Variants in FGD4 observed in about 807,000 individuals in gnomAD.
FGD4 encodes the protein FYVE, RhoGEF and PH domain-containing protein 4.
Under a neutral mutation model 102.0 loss-of-function variants are expected in FGD4, and 42 were observed. The ratio of observed to expected loss-of-function variants is 0.41; its 90% CI spans 0.32 to 0.53. The LOEUF (loss-of-function observed/expected upper bound fraction) is 0.53. Ranked by LOEUF, FGD4 falls within the 20% of genes least tolerant of loss-of-function variation. The pLI is 0.21. For missense variants in FGD4, 902 were observed against 1,078.2 expected (o/e 0.84, Z 2.29); for synonymous variants, 380 against 375.7 (o/e 1.01, Z -0.13).
At chr12:32,541,629 G>T (rs1942839498) in intron 1 of FGD4, among the ~76,000 whole-genome samples, 1 of 152,170 alleles carries the variant, frequency 6.6e-6, no homozygotes, top group South Asian at 2.1e-4. Flanking sequence ...CTCCCAAAGT[G>T]CTGGGAATAC....
chr12:32,564,110 C>T, intron 1 of FGD4, 27 bp from the exon 2 acceptor site: 1 of 1,530,928 alleles, frequency 6.5e-7, no homozygotes, highest in South Asian at 1.2e-5. Flanking sequence ...CCATACTTAC[C>T]TGCCCTTTCT....
chr12:32,489,062 G>GT (rs988699605), intron 1 of FGD4, among the ~76,000 whole-genome samples: 5 of 152,130 alleles, frequency 3.3e-5, no homozygotes, highest in South Asian at 2.1e-4. Context: ...AGTAGTACTG[G>GT]TTTTTTTTAC....
chr12:32,431,749 C>T (rs977294724), intron 1 of FGD4, among the ~76,000 whole-genome samples: 5 of 149,878 alleles, frequency 3.3e-5, no homozygotes, highest in South Asian at 2.1e-4. Flanking sequence ...CTCCAGCCTG[C>T]GTGACAGAGC....
intron 14 of FGD4, among the ~76,000 whole-genome samples, chr12:32,628,483 G>C (rs556345852): frequency 1.3e-5 from 2 of 152,166 alleles, no homozygotes; most frequent in East Asian, 3.9e-4. Flanking sequence ...GAAAGTGGGA[G>C]ATGGCGACTG....
intron 11 of FGD4, among the ~76,000 whole-genome samples, chr12:32,623,682 C>A (rs1949984743): frequency 6.6e-6 from 1 of 152,118 alleles, no homozygotes; most frequent in African/African-American, 2.4e-5. Context: ...TCAGAGTCCA[C>A]TAAAGAGGAT....
intron 1 of FGD4, among the ~76,000 whole-genome samples, chr12:32,513,815 C>A (rs1179565290): frequency 2.0e-5 from 3 of 152,092 alleles, no homozygotes; most frequent in African/African-American, 7.2e-5. Context: ...GACTTGGATC[C>A]TATGTTTGCC....
At chr12:32,435,517 G>GTGTGTGTGTGTT (rs71445900) in intron 1 of FGD4, among the ~76,000 whole-genome samples, 1 of 151,936 alleles carries the variant, frequency 6.6e-6, no homozygotes, top group African/African-American at 2.4e-5. Flanking sequence ...GTGTGTGTGT[G>GTGTGTGTGTGTT]TTTTAAATGA....
chr12:32,539,807 T>C (rs2136120934), intron 1 of FGD4, among the ~76,000 whole-genome samples: 1 of 152,324 alleles, frequency 6.6e-6, no homozygotes, highest in South Asian at 2.1e-4. Flanking sequence ...AATTATACAT[T>C]ATTAGATTAC....
chr12:32,462,787 T>C (rs780660934), intron 1 of FGD4, among the ~76,000 whole-genome samples: 9 of 152,202 alleles, frequency 5.9e-5, no homozygotes, highest in African/African-American at 1.9e-4. Context: ...ATGCTTAAAA[T>C]AGTGCTTTCA....
At chr12:32,525,560 C>T (rs547809903) in intron 1 of FGD4, among the ~76,000 whole-genome samples, 2 of 152,244 alleles carry the variant, frequency 1.3e-5, no homozygotes, top group African/African-American at 4.8e-5. Context: ...TGCCTGGGCT[C>T]CCACTTTGGT....
intron 1 of FGD4, among the ~76,000 whole-genome samples, chr12:32,548,715 G>A (rs1943424798): frequency 6.6e-6 from 1 of 152,208 alleles, no homozygotes; most frequent in Non-Finnish European, 1.5e-5. Context: ...CTTTTAGGCT[G>A]AGGGCTACTC....
In FGD4 at chr12:32,598,514, A is replaced by C. The variant is rs758948408; in HGVS notation, c.1029A>C (p.Lys343Asn). Residue 343 changes from lysine (K) to asparagine (N), a missense_variant, in exon 5 of 17, where the codon AAA becomes AAC. By Grantham distance (94) the Lys-to-Asn change is moderately conservative. This residue lies in a region of FGD4 where 443 missense variants were observed against 459.2 expected (regional missense o/e 0.96). Coordinates refer to ENST00000534526, the MANE Select transcript of FGD4 (RefSeq NM_001370298.3). ...ATTTTTAGGAGACTAATGAGCAAAA[A>C]CTTCACAAAATAGCCAATGAACTTT... ...HHEMKETNEQ[K>N]LHKIANELLL... is the part of the protein sequence containing the mutation. 1 of 1,613,376 alleles carries C rather than the reference A, an allele frequency of 6.2e-7. No individual in the cohort carries two copies. Among genetic ancestry groups the C allele is most frequent in the Non-Finnish European group, 8.5e-7 (1 of 1,179,728 alleles).
At chr12:32,620,693 A>ATTTTTTTTTTT (rs1208809588) in intron 11 of FGD4, among the ~76,000 whole-genome samples, 1 of 97,094 alleles carries the variant, frequency 1.0e-5, no homozygotes, top group African/African-American at 4.6e-5. Flanking sequence ...CACCTGGCTA[A>ATTTTTTTTTTT]TTTTTTTTTT....
intron 1 of FGD4, among the ~76,000 whole-genome samples, chr12:32,503,624 T>G (rs1754192004): frequency 6.6e-6 from 1 of 152,200 alleles, no homozygotes; most frequent in African/African-American, 2.4e-5. Flanking sequence ...AAAAGTTTTT[T>G]TCTTAAGGTA....
At chr12:32,436,355 A>C (rs566230687) in intron 1 of FGD4, among the ~76,000 whole-genome samples, 12 of 152,350 alleles carry the variant, frequency 7.9e-5, no homozygotes, top group African/African-American at 2.9e-4. Flanking sequence ...TAAGGATAAA[A>C]AGTGGCACAA....
At chr12:32,599,701 C>T (rs1448593074) in intron 5 of FGD4, among the ~76,000 whole-genome samples, 1 of 150,240 alleles carries the variant, frequency 6.7e-6, no homozygotes, top group Non-Finnish European at 1.5e-5. Flanking sequence ...GCATGCACCA[C>T]CCACGCCCGG....
At chr12:32,553,162 G>A (rs1943840970) in intron 1 of FGD4, among the ~76,000 whole-genome samples, 1 of 152,010 alleles carries the variant, frequency 6.6e-6, no homozygotes. Flanking sequence ...CATCCCGAGA[G>A]TGGTGGAGCA....
chr12:32,620,029 AGT>A (rs1949708549), intron 11 of FGD4, among the ~76,000 whole-genome samples, 159 bp downstream of exon 11: 1 of 152,186 alleles, frequency 6.6e-6, no homozygotes, highest in African/African-American at 2.4e-5. Context: ...GAAAAGCAGG[AGT>A]CATGTCTCCC....
intron 15 of FGD4, among the ~76,000 whole-genome samples, chr12:32,637,325 G>A (rs958862697): frequency 1.3e-5 from 2 of 151,872 alleles, no homozygotes; most frequent in African/African-American, 4.8e-5. Flanking sequence ...GGCCGGGCAT[G>A]GTGGCTCACG....
Sources: allele counts gnomAD v4.1 joint callset (sites outside exome capture counted in the v4.1 genomes callset), GRCh38; gene constraint gnomAD v4.1.1; regional missense constraint gnomAD v4.1.1; transcripts MANE v1.5; gene names NCBI Gene and HGNC (gene_info 2026-07-23, HGNC 2026-07-21).